The following MECOM variants were observed in gnomAD, a reference collection of about 807,000 sequenced individuals.
The protein encoded by MECOM is histone-lysine N-methyltransferase MECOM.
Under a neutral mutation model 116.3 loss-of-function variants are expected in MECOM, and 13 were observed. That is an observed-to-expected ratio of 0.11 (90% CI 0.07 to 0.18). MECOM has a LOEUF of 0.18. MECOM is among the 10% of genes least tolerant of loss of function. The probability of loss-of-function intolerance (pLI) is 1.00; values close to 1 mark genes in which losing one functional copy is unlikely to be tolerated. For synonymous variants in MECOM, 528 were observed against 535.2 expected, an observed-to-expected ratio of 0.99 and a Z score of 0.19; for missense variants, 1,299 against 1,509.0, an observed-to-expected ratio of 0.86 and a Z score of 2.31.
chr3:169,597,631 A>T (rs532220272), intron 1 of MECOM, among the ~76,000 whole-genome samples: 104 of 152,292 alleles, frequency 6.8e-4, no homozygotes, highest in Non-Finnish European at 1.4e-3. Flanking sequence ...TACAATTTCA[A>T]ATTGCATCAG....
intron 2 of MECOM, among the ~76,000 whole-genome samples, chr3:169,350,929 C>CT (rs957734222): frequency 1.6e-4 from 24 of 151,910 alleles, no homozygotes; most frequent in African/African-American, 5.8e-4. Context: ...AGCACCCATG[C>CT]TACTCAATAA....
chr3:169,286,413 T>C (rs1486904765), intron 2 of MECOM, among the ~76,000 whole-genome samples: 1 of 152,196 alleles, frequency 6.6e-6, no homozygotes, highest in African/African-American at 2.4e-5. Flanking sequence ...TTATCCTCGA[T>C]GCAGAGCCTG....
At chr3:169,406,141 A>G (rs1736658617) in intron 1 of MECOM, among the ~76,000 whole-genome samples, 1 of 152,188 alleles carries the variant, frequency 6.6e-6, no homozygotes, top group African/African-American at 2.4e-5. Context: ...TAAAAACCAT[A>G]ACATTTTGAA....
At chr3:169,377,230 G>A (rs1197603715) in intron 2 of MECOM, among the ~76,000 whole-genome samples, 2 of 152,120 alleles carry the variant, frequency 1.3e-5, no homozygotes, top group East Asian at 3.8e-4. Flanking sequence ...AACTCTAGAA[G>A]AAAACCTAGG....
intron 2 of MECOM, among the ~76,000 whole-genome samples, chr3:169,191,131 G>C (rs1455655928): frequency 6.6e-6 from 1 of 151,974 alleles, no homozygotes; most frequent in Non-Finnish European, 1.5e-5. Context: ...GAGCTCTTAA[G>C]ATACTTTTCT....
At position 169,663,256 on chromosome 3, in the gene MECOM, C is replaced by T. The variant is rs1776568549; in HGVS notation, c.37+80G>A. ...CCCGGCGCAAGAGGCAGCCCGCGCT[C>T]CCTCCCGGAGCGCTAGAGACAGATA... On this transcript the variant is annotated intron_variant, in intron 1 of 16. Coordinates refer to ENST00000651503, the MANE Select transcript of MECOM (RefSeq NM_004991.4). 2.0e-6 allele frequency: 3 copies of T among 1,513,768 alleles called. No individual in the cohort carries two copies. In the South Asian group the frequency reaches 3.6e-5, roughly 18 times the overall value. The allele number at this position is 1,513,768 out of a possible 1,614,324, so 93.8% of individuals were successfully genotyped here. A position where few individuals can be genotyped will look rare whatever the true frequency, so the allele number is the denominator to read the frequency against.
intron 1 of MECOM, among the ~76,000 whole-genome samples, chr3:169,445,671 C>T (rs183974368): frequency 1.2e-3 from 183 of 152,280 alleles, no homozygotes; most frequent in Middle Eastern, 3.4e-3. Context: ...ATCCTCCAGA[C>T]CCCAGAATGG....
intron 1 of MECOM, among the ~76,000 whole-genome samples, chr3:169,601,158 C>T (rs779044945): frequency 2.4e-4 from 37 of 152,204 alleles, no homozygotes; most frequent in African/African-American, 8.7e-4. Flanking sequence ...ACTTAGGTGT[C>T]GCCACAAACC....
At chr3:169,160,767 C>A (rs1184642346) in intron 2 of MECOM, among the ~76,000 whole-genome samples, 1 of 151,752 alleles carries the variant, frequency 6.6e-6, no homozygotes, top group African/African-American at 2.4e-5. Flanking sequence ...CATTATATGC[C>A]TGGATCAAAA....
At chr3:169,145,101 A>G in intron 2 of MECOM, 2 of 1,447,398 alleles carry the variant, frequency 1.4e-6, no homozygotes, top group South Asian at 1.3e-5. Flanking sequence ...TCGTCCCAAA[A>G]TTTAAAAAAG....
chr3:169,448,367 C>T (rs1745005522), intron 1 of MECOM, among the ~76,000 whole-genome samples: 1 of 152,160 alleles, frequency 6.6e-6, no homozygotes, highest in Non-Finnish European at 1.5e-5. Context: ...ATCTTCTATA[C>T]ATTATCTCAT....
chr3:169,554,691 A>C (rs1162078156), intron 1 of MECOM, among the ~76,000 whole-genome samples: 1 of 152,178 alleles, frequency 6.6e-6, no homozygotes, highest in Non-Finnish European at 1.5e-5. Flanking sequence ...ACCTCACAAA[A>C]ACTAAGCCTG....
intron 1 of MECOM, among the ~76,000 whole-genome samples, chr3:169,407,957 T>C (rs1176669821): frequency 6.6e-6 from 1 of 152,186 alleles, no homozygotes; most frequent in African/African-American, 2.4e-5. Flanking sequence ...AAATTGATCA[T>C]GTTTGGGAAA....
intron 2 of MECOM, among the ~76,000 whole-genome samples, chr3:169,324,740 A>T (rs775342954): frequency 3.9e-5 from 6 of 152,222 alleles, no homozygotes; most frequent in Admixed American, 2.6e-4. Flanking sequence ...TCCTCCTACA[A>T]GTGCAGGAAG....
At chr3:169,175,003 C>T (rs946911702) in intron 2 of MECOM, among the ~76,000 whole-genome samples, 3 of 152,074 alleles carry the variant, frequency 2.0e-5, no homozygotes, top group African/African-American at 7.2e-5. Flanking sequence ...TGGGTATTTA[C>T]CCATCTGGTA....
At chr3:169,293,907 C>T (rs1171966638) in intron 2 of MECOM, among the ~76,000 whole-genome samples, 1 of 152,210 alleles carries the variant, frequency 6.6e-6, no homozygotes, top group Non-Finnish European at 1.5e-5. Context: ...TCACAGTCCT[C>T]AGGTGGAGAC....
Position 169,231,311 on chromosome 3 carries a change from G to A in MECOM, c.376-87479C>T, listed in dbSNP as rs566783474. ...ATTTATTCAACACCTACTTGCACCAGACACCAGGCTAAATACTGGGGATAA... is the reference window on the plus strand; with the variant it reads ...ATTTATTCAACACCTACTTGCACCAAACACCAGGCTAAATACTGGGGATAA... On this transcript the variant is annotated intron_variant, in intron 2 of 16. Coordinates refer to ENST00000651503, the MANE Select transcript of MECOM (RefSeq NM_004991.4). 4.6e-5 allele frequency among the ~76,000 whole-genome samples: 7 copies of A among 152,158 alleles called. No homozygotes were observed. In the South Asian group the frequency reaches 1.5e-3, roughly 32 times the overall value.
At chr3:169,312,806 TC>T (rs1440405451) in intron 2 of MECOM, among the ~76,000 whole-genome samples, 1 of 152,166 alleles carries the variant, frequency 6.6e-6, no homozygotes, top group Non-Finnish European at 1.5e-5. Context: ...CTGTTAGTCA[TC>T]CATGTGGGGA....
chr3:169,603,549 C>T (rs1353288918), intron 1 of MECOM, among the ~76,000 whole-genome samples: 1 of 152,212 alleles, frequency 6.6e-6, no homozygotes, highest in Non-Finnish European at 1.5e-5. Context: ...CATGCACTAA[C>T]TCACCCAGAG....
Sources: gnomAD v4.1 joint callset for allele counts (sites outside exome capture counted in the v4.1 genomes callset) on GRCh38, gnomAD v4.1.1 for gene constraint, MANE v1.5 for transcripts, NCBI Gene and HGNC (gene_info 2026-07-23, HGNC 2026-07-21) for gene names.